Variants in CCDC50 observed in about 807,000 individuals in gnomAD.
CCDC50 encodes the protein coiled-coil domain-containing protein 50.
CCDC50 carries 54 observed loss-of-function variants against 70.2 expected under a neutral mutation model. That is an observed-to-expected ratio of 0.77 (90% CI 0.62 to 0.96). The LOEUF is 0.96. Among genes scored for constraint, CCDC50 ranks in the 50% least tolerant of loss-of-function variants. The pLI, the probability that CCDC50 is intolerant of heterozygous loss-of-function variation, is 0.00. For missense variants in CCDC50, 558 were observed against 578.7 expected (o/e 0.96, Z 0.37); for synonymous variants, 216 against 198.8 (o/e 1.09, Z -0.73).
At chr3:191,369,733 T>C (rs759165403) in intron 4 of CCDC50, among the ~76,000 whole-genome samples, 186 bp from the exon 5 acceptor site, 19 of 152,206 alleles carry the variant, frequency 1.2e-4, no homozygotes, top group Non-Finnish European at 2.4e-4. Context: ...GTCTCACTTA[T>C]CTAGATCATG....
At chr3:191,341,657 A>C (rs1711736377) in intron 1 of CCDC50, among the ~76,000 whole-genome samples, 1 of 152,208 alleles carries the variant, frequency 6.6e-6, no homozygotes, top group Non-Finnish European at 1.5e-5. Flanking sequence ...TTTGTTGGGA[A>C]TAGAGAACTA....
chr3:191,338,378 G>A (rs886582313), intron 1 of CCDC50, among the ~76,000 whole-genome samples: 3 of 152,180 alleles, frequency 2.0e-5, no homozygotes, highest in Non-Finnish European at 2.9e-5. Context: ...GAGTCCTGAC[G>A]TAGAAGAAAG....
At position 191,398,640 on chromosome 3, in the gene CCDC50, A is replaced by G. The variant is rs948508739; in HGVS notation, c.*6880A>G. On this transcript the variant is annotated 3_prime_UTR_variant, in exon 12 of 12. Transcript: ENST00000392455. Reference sequence around the variant, plus strand: ...TGATGCCTGGTGTATTGAAATCCTCAATAAATACTGCCAAGTGTGGATCAG... The same window carrying G: ...TGATGCCTGGTGTATTGAAATCCTCGATAAATACTGCCAAGTGTGGATCAG... The G allele has an allele frequency of 6.6e-6, 1 of 152,180 alleles. No homozygotes were observed. The highest frequency in any genetic ancestry group is 2.4e-5 in the African/African-American group (1 of 41,436). The allele number at this position is 152,180 out of a possible 1,614,324, so 9.4% of individuals were successfully genotyped here.
chr3:191,390,259 T>G (rs1452777176), intron 11 of CCDC50, among the ~76,000 whole-genome samples: 2 of 152,170 alleles, frequency 1.3e-5, no homozygotes, highest in East Asian at 3.9e-4. Context: ...ATTAATTAGA[T>G]TTAAAATATG....
In CCDC50 at chr3:191,396,229, T is replaced by G. The variant is rs1713853945; in HGVS notation, c.*4469T>G. On this transcript the variant is annotated 3_prime_UTR_variant, in exon 12 of 12. Coordinates refer to ENST00000392455, the MANE Select transcript of CCDC50 (RefSeq NM_178335.3). ...TGTGAGGAGCAGTACTGCCTTAAAT[T>G]AGTTTGACTCTGACTGATGTCAGTG... 6.6e-6 allele frequency: 1 copy of G among 152,200 alleles called. No individual in the cohort carries two copies. Among genetic ancestry groups the G allele is most frequent in the Non-Finnish European group, 1.5e-5 (1 of 68,026 alleles). 9.4% of individuals were successfully genotyped at this position (152,200 alleles called of 1,614,324 possible).
intron 1 of CCDC50, among the ~76,000 whole-genome samples, chr3:191,356,388 G>C (rs1712281731): frequency 2.0e-5 from 3 of 152,198 alleles, no homozygotes; most frequent in Admixed American, 1.3e-4. Flanking sequence ...GGTGGAGGCA[G>C]AGTTGGGGCA....
In CCDC50 at chr3:191,380,733, T is replaced by C; in HGVS notation, c.1137+2T>C. On this transcript the variant is annotated splice_donor_variant, in intron 8 of 11. Coordinates refer to ENST00000392455, the MANE Select transcript of CCDC50 (RefSeq NM_178335.3). LOFTEE classifies it high-confidence loss of function. Reference sequence around the variant, plus strand: ...GCCGCTCAAGTAGCTCAAGATGAAGTAAGTTAATGAGTTTAGCTGATATTC... The same window carrying C: ...GCCGCTCAAGTAGCTCAAGATGAAGCAAGTTAATGAGTTTAGCTGATATTC... 1 of 1,612,668 alleles carries C rather than the reference T, an allele frequency of 6.2e-7. No homozygotes were observed. Among genetic ancestry groups the C allele is most frequent in the Non-Finnish European group, 8.5e-7 (1 of 1,179,196 alleles).
intron 10 of CCDC50, among the ~76,000 whole-genome samples, chr3:191,385,328 T>A (rs1007409317): frequency 2.0e-5 from 3 of 152,288 alleles, no homozygotes; most frequent in Middle Eastern, 3.4e-3. Context: ...CTAACATCTG[T>A]TATTGTTTGA....
At chr3:191,362,209 G>A (rs564862244) in intron 4 of CCDC50, among the ~76,000 whole-genome samples, 4 of 152,118 alleles carry the variant, frequency 2.6e-5, no homozygotes, top group East Asian at 3.9e-4. Context: ...TGCAATCTCC[G>A]CCTCCCAGGC....
intron 8 of CCDC50, 24 bp from the exon 9 acceptor site, chr3:191,380,804 T>C: frequency 6.2e-7 from 1 of 1,611,924 alleles, no homozygotes; most frequent in Non-Finnish European, 8.5e-7. Context: ...CTGCAGTTAA[T>C]GATATTGACT....
intron 6 of CCDC50, among the ~76,000 whole-genome samples, chr3:191,378,771 A>G (rs796283787): frequency 2.4e-4 from 37 of 151,742 alleles, no homozygotes; most frequent in African/African-American, 8.5e-4. Flanking sequence ...GCTGTCCCAA[A>G]CCACTTAGAA....
chr3:191,372,386 A>G (rs1250953530), intron 5 of CCDC50, among the ~76,000 whole-genome samples: 2 of 152,132 alleles, frequency 1.3e-5, no homozygotes, highest in Admixed American at 6.6e-5. Context: ...TGTTTTGTTG[A>G]ACATGGAGTC....
chr3:191,380,642 T>C (rs1354813122), intron 7 of CCDC50, 45 bp from the exon 8 acceptor site: 4 of 1,564,156 alleles, frequency 2.6e-6, no homozygotes, highest in Non-Finnish European at 3.5e-6. Context: ...ATGCACAACA[T>C]AGATTCCAAT....
chr3:191,345,690 G>A (rs1341996383), intron 1 of CCDC50, among the ~76,000 whole-genome samples: 2 of 152,130 alleles, frequency 1.3e-5, no homozygotes, highest in Non-Finnish European at 2.9e-5. Context: ...TGCCAAACAA[G>A]TGGTTTAGGT....
At position 191,391,891 on chromosome 3, in the gene CCDC50, A is replaced by G. The variant is rs1306429387; in HGVS notation, c.*131A>G. ...GGATTTATCCTCAAGTGCATTTCTG[A>G]CCATAAGTAATTTTAATTCATTTCA... is the stretch of plus-strand genomic sequence containing the variant. On this transcript the variant is annotated 3_prime_UTR_variant, in exon 12 of 12. Transcript: ENST00000392455. 13 of 795,280 alleles carry G rather than the reference A, an allele frequency of 1.6e-5. No homozygotes were observed. Among genetic ancestry groups the G allele is most frequent in the Non-Finnish European group, 2.7e-5 (13 of 480,102 alleles). 49.3% of individuals were successfully genotyped at this position (795,280 alleles called of 1,614,324 possible).
intron 4 of CCDC50, among the ~76,000 whole-genome samples, chr3:191,366,783 G>T (rs537968957): frequency 6.6e-6 from 1 of 151,976 alleles, no homozygotes; most frequent in South Asian, 2.1e-4. Flanking sequence ...AAAGTTTTGA[G>T]GCCAGTGTTC....
rs540124920 is a variant in CCDC50 at position 191,359,821 on chromosome 3, G to A, written c.240-1248G>A. Among the ~76,000 whole-genome samples, 21 of 152,268 alleles carry A rather than the reference G, an allele frequency of 1.4e-4. No individual in the cohort carries two copies. In the East Asian group the frequency reaches 3.7e-3, roughly 27 times the overall value. On this transcript the variant is annotated intron_variant, in intron 3 of 11. Coordinates refer to ENST00000392455, the MANE Select transcript of CCDC50 (RefSeq NM_178335.3). ...TTATTCACAATTCTCTGTTAGAAAG[G>A]CCAGTTCTGAGGTTGATGCAGATGT...
At chr3:191,341,025 T>C (rs73888563) in intron 1 of CCDC50, among the ~76,000 whole-genome samples, 12,716 of 151,428 alleles carry the variant, frequency 0.084, 605 homozygotes, top group East Asian at 0.21. Flanking sequence ...AGGGTCTCAC[T>C]ATATTGCCCA....
In CCDC50 at chr3:191,382,794, C is replaced by T. The variant is rs139060348; in HGVS notation, c.1291C>T (p.Pro431Ser). ...ANSKSKESDE[P>S]HHSKNERPAR... Reference sequence around the variant, plus strand: ...TTCCAAGTCAAAAGAGAGTGATGAACCTCACCATTCTAAGAATGAAAGGCC... The same window carrying T: ...TTCCAAGTCAAAAGAGAGTGATGAATCTCACCATTCTAAGAATGAAAGGCC... Residue 431 changes from proline (P) to serine (S), a missense_variant, in exon 10 of 12, where the codon CCT becomes TCT. Transcript: ENST00000392455. 1.2e-5 allele frequency: 20 copies of T among 1,612,790 alleles called. No individual in the cohort carries two copies. Among genetic ancestry groups the T allele is most frequent in the Admixed American group, 1.7e-5 (1 of 59,934 alleles).
Sources: gnomAD v4.1 joint callset for allele counts (sites outside exome capture counted in the v4.1 genomes callset) on GRCh38, gnomAD v4.1.1 for gene constraint, MANE v1.5 for transcripts, NCBI Gene and HGNC (gene_info 2026-07-23, HGNC 2026-07-21) for gene names.